NEO1: variants seen among roughly 807,000 people sequenced by gnomAD.
The protein encoded by NEO1 is neogenin 1.
In NEO1, 63 loss-of-function variants were observed where a neutral mutation model predicts 159.7. The observed-to-expected ratio is 0.39, with a 90% CI of 0.32 to 0.49. The LOEUF (loss-of-function observed/expected upper bound fraction) is 0.49. Ranked by LOEUF, NEO1 falls within the 20% of genes least tolerant of loss-of-function variation. NEO1 has a pLI of 0.85. For synonymous variants in NEO1, 633 were observed against 662.0 expected, an observed-to-expected ratio of 0.96 and a Z score of 0.67; for missense variants, 1,615 against 1,831.0, an observed-to-expected ratio of 0.88 and a Z score of 2.15.
At position 73,079,009 on chromosome 15, in the gene NEO1, T is replaced by C. The variant is rs112235273; in HGVS notation, c.130+26204T>C. Among the ~76,000 whole-genome samples, 46 of 152,250 alleles carry C rather than the reference T, an allele frequency of 3.0e-4. 1 individual carries two copies. The highest frequency in any genetic ancestry group is 1.0e-3 in the African/African-American group (43 of 41,462). On this transcript the variant is annotated intron_variant, in intron 1 of 28. Coordinates refer to ENST00000261908, the MANE Select transcript of NEO1 (RefSeq NM_002499.4). ...TCCTGGAATTCCCTTTCTTTCTAAGTGCATTATCTCTTATACCCTTTGTTT... is the reference window on the plus strand; with the variant it reads ...TCCTGGAATTCCCTTTCTTTCTAAGCGCATTATCTCTTATACCCTTTGTTT...
chr15:73,237,559 A>G (rs1480309542), intron 8 of NEO1, among the ~76,000 whole-genome samples: 1 of 152,186 alleles, frequency 6.6e-6, no homozygotes, highest in African/African-American at 2.4e-5. Context: ...CTTATAGTTG[A>G]TGTACATTGT....
At chr15:73,229,658 A>G (rs1235059987) in intron 7 of NEO1, among the ~76,000 whole-genome samples, 1 of 152,060 alleles carries the variant, frequency 6.6e-6, no homozygotes, top group African/African-American at 2.4e-5. Context: ...AAAAGCATTT[A>G]ATCTTTCACC....
At chr15:73,260,239 T>G (rs540008403) in intron 14 of NEO1, 32 bp from the exon 15 acceptor site, 4 of 1,600,228 alleles carry the variant, frequency 2.5e-6, no homozygotes, top group East Asian at 4.5e-5. Flanking sequence ...GGACAGTATA[T>G]CTCATCTTGC....
intron 8 of NEO1, among the ~76,000 whole-genome samples, chr15:73,240,851 AAGG>A (rs1361271134): frequency 6.6e-6 from 1 of 152,224 alleles, no homozygotes; most frequent in Non-Finnish European, 1.5e-5. Context: ...AGAGGCAATG[AAGG>A]AGAAGTTAAT....
chr15:73,190,280 A>G (rs1055695810), intron 7 of NEO1, among the ~76,000 whole-genome samples: 18 of 152,210 alleles, frequency 1.2e-4, no homozygotes, highest in Non-Finnish European at 2.5e-4. Context: ...GGAATGTGAA[A>G]ACATAGAAAT....
intron 4 of NEO1, among the ~76,000 whole-genome samples, chr15:73,135,219 C>G (rs546004411): frequency 6.6e-6 from 1 of 152,156 alleles, no homozygotes; most frequent in African/African-American, 2.4e-5. Flanking sequence ...TTTCTTTTCT[C>G]TTTAAATCGG....
At chr15:73,053,028 G>T (rs1444029418) in intron 1 of NEO1, among the ~76,000 whole-genome samples, 1 of 151,932 alleles carries the variant, frequency 6.6e-6, no homozygotes, top group Non-Finnish European at 1.5e-5. Flanking sequence ...GGTCGGGGGC[G>T]CAGGGGTCTA....
chr15:73,251,903 A>T (rs1027606585), intron 11 of NEO1, among the ~76,000 whole-genome samples: 1 of 152,222 alleles, frequency 6.6e-6, no homozygotes, highest in Non-Finnish European at 1.5e-5. Context: ...ATTATAAGGA[A>T]TAAGTGTCTG....
At chr15:73,160,293 A>G (rs1008895743) in intron 5 of NEO1, among the ~76,000 whole-genome samples, 1 of 152,200 alleles carries the variant, frequency 6.6e-6, no homozygotes, top group Non-Finnish European at 1.5e-5. Context: ...CCACACACCA[A>G]GCAGTACTTC....
At position 73,301,322 on chromosome 15, in the gene NEO1, T is replaced by A. The variant is rs2042603362; in HGVS notation, c.4167T>A (p.Ala1389=). The change falls in exon 28 of 29, where the codon GCT becomes GCA. Residue 1389 remains alanine, a splice_region_variant and synonymous_variant. Transcript: ENST00000261908. The stretch of plus-strand genomic sequence containing the variant: ...TCTGATGGTGCCCTTTCCCCTCAGC[T>A]CTGAACCATCACATTCACTCAGTGA... ...LPSTPLLSQQ[A]LNHHIHSVKT... 1.2e-6 allele frequency: 2 copies of A among 1,614,028 alleles called. No homozygotes were observed. The highest frequency in any genetic ancestry group is 1.7e-6 in the Non-Finnish European group (2 of 1,180,014).
intron 18 of NEO1, among the ~76,000 whole-genome samples, chr15:73,271,694 G>C (rs1179882630): frequency 6.6e-6 from 1 of 152,074 alleles, no homozygotes; most frequent in East Asian, 1.9e-4. Flanking sequence ...ATCACCTGAG[G>C]CCAAGAGTTC....
At chr15:73,076,874 A>G (rs902098748) in intron 1 of NEO1, among the ~76,000 whole-genome samples, 1 of 152,152 alleles carries the variant, frequency 6.6e-6, no homozygotes, top group African/African-American at 2.4e-5. Flanking sequence ...TTATAAGACA[A>G]CTGTGTTTTC....
At chr15:73,187,694 A>G (rs572638427) in intron 7 of NEO1, among the ~76,000 whole-genome samples, 2 of 152,322 alleles carry the variant, frequency 1.3e-5, no homozygotes, top group East Asian at 1.9e-4. Context: ...TTTATATACA[A>G]AAGCAGGAAG....
intron 1 of NEO1, among the ~76,000 whole-genome samples, chr15:73,072,196 C>G (rs1005198868): frequency 2.0e-5 from 3 of 152,116 alleles, no homozygotes; most frequent in Admixed American, 2.0e-4. Flanking sequence ...GGTGATCTGC[C>G]TGCCTCGGCT....
chr15:73,087,344 C>A (rs947472169), intron 1 of NEO1, among the ~76,000 whole-genome samples: 2 of 152,134 alleles, frequency 1.3e-5, no homozygotes, highest in Admixed American at 6.5e-5. Flanking sequence ...TTAGGATAAA[C>A]CTCAACTTGG....
chr15:73,295,151 T>TATATATATATA (rs1555470520), intron 26 of NEO1, among the ~76,000 whole-genome samples: 3 of 145,536 alleles, frequency 2.1e-5, no homozygotes, highest in Non-Finnish European at 3.0e-5. Context: ...TATGTAAAAA[T>TATATATATATA]TTGGCCTTTC....
At chr15:73,068,230 C>CT (rs1555421039) in intron 1 of NEO1, among the ~76,000 whole-genome samples, 7 of 114,188 alleles carry the variant, frequency 6.1e-5, no homozygotes, top group Non-Finnish European at 8.4e-5. Context: ...CCTACCCCCC[C>CT]CCCTTTTTTT....
chr15:73,140,173 A>G (rs2032242007), intron 5 of NEO1, among the ~76,000 whole-genome samples: 1 of 152,238 alleles, frequency 6.6e-6, no homozygotes, highest in Non-Finnish European at 1.5e-5. Flanking sequence ...ATTGGTTAGG[A>G]TGAAAACCAC....
chr15:73,216,366 T>C (rs2037883909), intron 7 of NEO1, among the ~76,000 whole-genome samples: 1 of 152,218 alleles, frequency 6.6e-6, no homozygotes. Context: ...AAGTCTTTGC[T>C]ATTGTGAATA....
Sources: gnomAD v4.1 joint callset for allele counts (sites outside exome capture counted in the v4.1 genomes callset) on GRCh38, gnomAD v4.1.1 for gene constraint, MANE v1.5 for transcripts, NCBI Gene and HGNC (gene_info 2026-07-23, HGNC 2026-07-21) for gene names.